The following FNIP2 variants were observed in gnomAD, a reference collection of about 807,000 sequenced individuals.
FNIP2 encodes the protein folliculin-interacting protein 2.
Under a neutral mutation model 108.7 loss-of-function variants are expected in FNIP2, and 32 were observed. The ratio of observed to expected loss-of-function variants is 0.29; its 90% CI spans 0.22 to 0.40. The LOEUF is 0.40. Ranked by LOEUF, FNIP2 falls within the 10% of genes least tolerant of loss-of-function variation. The probability of loss-of-function intolerance (pLI) is 1.00; values close to 1 mark genes in which losing one functional copy is unlikely to be tolerated. For synonymous variants in FNIP2, 480 were observed against 496.7 expected, an observed-to-expected ratio of 0.97 and a Z score of 0.45; for missense variants, 1,202 against 1,381.6, an observed-to-expected ratio of 0.87 and a Z score of 2.06.
intron 1 of FNIP2, among the ~76,000 whole-genome samples, chr4:158,781,764 G>C (rs1776056316): frequency 6.6e-6 from 1 of 152,152 alleles, no homozygotes; most frequent in Non-Finnish European, 1.5e-5. Context: ...TGATCCGCCT[G>C]TCTTGGCCTC....
chr4:158,833,254 G>A (rs557037969), intron 5 of FNIP2, among the ~76,000 whole-genome samples: 50 of 152,194 alleles, frequency 3.3e-4, no homozygotes, highest in Middle Eastern at 3.4e-3. Flanking sequence ...TTAGAGTTTG[G>A]TGTCTCATTA....
At chr4:158,815,920 G>C (rs1401780318) in intron 1 of FNIP2, among the ~76,000 whole-genome samples, 1 of 152,090 alleles carries the variant, frequency 6.6e-6, no homozygotes, top group Non-Finnish European at 1.5e-5. Context: ...GCACTCCCTT[G>C]TATGGATGTA....
intron 14 of FNIP2, chr4:158,872,063 G>A: frequency 2.0e-6 from 2 of 978,602 alleles, no homozygotes. Flanking sequence ...GTTGGTTATT[G>A]GACCTTCCTT....
intron 1 of FNIP2, among the ~76,000 whole-genome samples, chr4:158,798,904 C>T (rs1578834814): frequency 6.6e-6 from 1 of 152,138 alleles, no homozygotes; most frequent in Non-Finnish European, 1.5e-5. Flanking sequence ...ATTCCTCTGT[C>T]AGATAAATAG....
At chr4:158,877,952 C>T (rs193169946) in intron 14 of FNIP2, among the ~76,000 whole-genome samples, 1 of 151,842 alleles carries the variant, frequency 6.6e-6, no homozygotes, top group Non-Finnish European at 1.5e-5. Context: ...CCCCCACCCC[C>T]CCTCACCCAC....
intron 1 of FNIP2, among the ~76,000 whole-genome samples, chr4:158,777,975 G>GA (rs1011894910): frequency 1.3e-5 from 2 of 151,986 alleles, no homozygotes; most frequent in South Asian, 2.1e-4. Flanking sequence ...GCAAATACAG[G>GA]AAAAAAAATT....
At chr4:158,780,529 T>C (rs1219186990) in intron 1 of FNIP2, among the ~76,000 whole-genome samples, 1 of 152,250 alleles carries the variant, frequency 6.6e-6, no homozygotes, top group African/African-American at 2.4e-5. Flanking sequence ...ATATTTTTAT[T>C]AGCCAATTTA....
At chr4:158,824,802 T>G (rs957203658) in intron 1 of FNIP2, among the ~76,000 whole-genome samples, 1 of 152,076 alleles carries the variant, frequency 6.6e-6, no homozygotes, top group Non-Finnish European at 1.5e-5. Flanking sequence ...TCTTCTTCCT[T>G]CTCCAGTGCA....
intron 1 of FNIP2, among the ~76,000 whole-genome samples, chr4:158,771,887 C>T (rs1775710400): frequency 6.6e-6 from 1 of 152,210 alleles, no homozygotes; most frequent in African/African-American, 2.4e-5. Context: ...ACTTCCTAGT[C>T]CCTTCGCTGG....
chr4:158,832,092 A>G lies in FNIP2; in HGVS notation c.508A>G (p.Lys170Glu). 1 of 1,613,884 alleles carries G rather than the reference A, an allele frequency of 6.2e-7. No homozygotes were observed. The highest frequency in any genetic ancestry group is 8.5e-7 in the Non-Finnish European group (1 of 1,179,806). The change falls in exon 5 of 17, where the codon AAA (lysine) becomes GAA (glutamate). Residue 170 changes from lysine (K) to glutamate (E), a missense_variant. By Grantham distance (56) the Lys-to-Glu change is moderately conservative. This residue lies in a region of FNIP2 where 878 missense variants were observed against 990.3 expected (regional missense o/e 0.89). Transcript: ENST00000264433. ...TTCTCCTCCACAACTGATGATTAGT[A>G]AAGTCTTCTCTGCTAGAATGGGCAG... ...IRSPPQLMIS[K>E]VFSARMGSFC... is the part of the protein sequence containing the mutation.
At chr4:158,882,412 C>G (rs1369995822) in intron 14 of FNIP2, among the ~76,000 whole-genome samples, 1 of 144,150 alleles carries the variant, frequency 6.9e-6, no homozygotes, top group Admixed American at 6.9e-5. Context: ...CCACCCCGTC[C>G]GGGAGGTGGG....
At chr4:158,880,607 C>G (rs1781538617) in intron 14 of FNIP2, among the ~76,000 whole-genome samples, 1 of 152,134 alleles carries the variant, frequency 6.6e-6, no homozygotes, top group African/African-American at 2.4e-5. Flanking sequence ...AAAAAAAATT[C>G]TAGCTGACTT....
chr4:158,887,566 G>A (rs940845515), intron 14 of FNIP2, among the ~76,000 whole-genome samples: 23 of 151,642 alleles, frequency 1.5e-4, no homozygotes, highest in African/African-American at 5.6e-4. Context: ...GTGAAACCCC[G>A]TCTCTACTAA....
chr4:158,875,075 C>T (rs1301401256), intron 14 of FNIP2, among the ~76,000 whole-genome samples: 3 of 146,402 alleles, frequency 2.0e-5, no homozygotes, highest in Admixed American at 6.9e-5. Context: ...AGCAATAGAG[C>T]GAGACTGTCT....
intron 1 of FNIP2, among the ~76,000 whole-genome samples, chr4:158,802,871 G>C (rs1222991475): frequency 2.0e-5 from 3 of 152,198 alleles, no homozygotes; most frequent in Non-Finnish European, 4.4e-5. Flanking sequence ...ATGATACTGT[G>C]CTATTTATTG....
chr4:158,897,889 T>A (rs1782833606), intron 16 of FNIP2, among the ~76,000 whole-genome samples: 1 of 152,224 alleles, frequency 6.6e-6, no homozygotes, highest in African/African-American at 2.4e-5. Flanking sequence ...TTGCTTTTGG[T>A]GTTTTAGTCA....
At chr4:158,841,777 G>A (rs563137219) in intron 7 of FNIP2, among the ~76,000 whole-genome samples, 7 of 152,340 alleles carry the variant, frequency 4.6e-5, no homozygotes, top group Admixed American at 6.5e-5. Context: ...GACTAGAGCT[G>A]CAGTATATAA....
At chr4:158,830,308 T>C (rs1373518687) in intron 3 of FNIP2, among the ~76,000 whole-genome samples, 2 of 137,836 alleles carry the variant, frequency 1.5e-5, no homozygotes, top group Non-Finnish European at 3.1e-5. Context: ...CAGGCCGGAC[T>C]GCGGACTGCA....
chr4:158,871,627 C>A, intron 14 of FNIP2: 1 of 985,328 alleles, frequency 1.0e-6, no homozygotes, highest in South Asian at 4.7e-5. Flanking sequence ...AAAGCCAGCC[C>A]AGTGTACACG....
Sources: gnomAD v4.1 joint callset for allele counts (sites outside exome capture counted in the v4.1 genomes callset) on GRCh38, gnomAD v4.1.1 for gene constraint, gnomAD v4.1.1 regional missense constraint, MANE v1.5 for transcripts, NCBI Gene and HGNC (gene_info 2026-07-23, HGNC 2026-07-21) for gene names.